Variants in RFX1 observed in about 807,000 individuals in gnomAD.
RFX1 encodes MHC class II regulatory factor RFX1.
Under a neutral mutation model 119.6 loss-of-function variants are expected in RFX1, and 42 were observed. The ratio of observed to expected loss-of-function variants is 0.35; its 90% CI spans 0.27 to 0.45. RFX1 has a LOEUF of 0.45. Ranked by LOEUF, RFX1 falls within the 20% of genes least tolerant of loss-of-function variation. The pLI is 1.00. For missense variants in RFX1, 1,118 were observed against 1,368.1 expected (o/e 0.82, Z 2.88); for synonymous variants, 628 against 618.5 (o/e 1.02, Z -0.23).
chr19:13,971,227 G>T (rs373879997), intron 9 of RFX1, among the ~76,000 whole-genome samples: 1 of 151,790 alleles, frequency 6.6e-6, no homozygotes, highest in Non-Finnish European at 1.5e-5. Flanking sequence ...CCAGCTACTC[G>T]AGAGGCTGAG....
intron 16 of RFX1, among the ~76,000 whole-genome samples, chr19:13,964,585 G>C (rs1391199324): frequency 6.6e-6 from 1 of 152,130 alleles, no homozygotes; most frequent in African/African-American, 2.4e-5. Flanking sequence ...GGGTTCAAGC[G>C]ATTCTCGTGC....
chr19:13,975,455 C>T (rs1330666723), intron 8 of RFX1, among the ~76,000 whole-genome samples: 1 of 151,758 alleles, frequency 6.6e-6, no homozygotes, highest in Non-Finnish European at 1.5e-5. Context: ...GGGAGGGAGC[C>T]GCACAGGCCC....
chr19:13,966,660 G>A lies in RFX1; in HGVS notation c.1824C>T (p.Phe608=). ...EGVGPGDIKA[F]QVLYREHCEA... Reference sequence around the variant, plus strand: ...CACAGTGTTCCCGGTACAGGACCTGGAAGGCTTTGATGTCCCCGGGCCCGA... The same window carrying A: ...CACAGTGTTCCCGGTACAGGACCTGAAAGGCTTTGATGTCCCCGGGCCCGA... The change falls in exon 13 of 21, where the codon TTC becomes TTT. Residue 608 remains phenylalanine, a synonymous_variant. Coordinates refer to ENST00000254325, the MANE Select transcript of RFX1 (RefSeq NM_002918.5). The surrounding 1 kb of genome is among the most constrained non-coding windows in gnomAD (Gnocchi z 6.3). 1 of 1,609,260 alleles carries A rather than the reference G, an allele frequency of 6.2e-7. No homozygotes were observed. Among genetic ancestry groups the A allele is most frequent in the Non-Finnish European group, 8.5e-7 (1 of 1,177,686 alleles).
At position 13,968,535 on chromosome 19, in the gene RFX1, T is replaced by G; in HGVS notation, c.1732+30A>C. On this transcript the variant is annotated intron_variant, in intron 12 of 20. Coordinates refer to ENST00000254325, the MANE Select transcript of RFX1 (RefSeq NM_002918.5). This position sits in a 1 kb window ranked among gnomAD's most constrained non-coding sequence, Gnocchi z 5.5. Reference sequence around the variant, plus strand: ...TCTGCACGGGGCAGGGAGGCGGTGGTTGGGGAAGCACGGGCCAGGGAGCTC... The same window carrying G: ...TCTGCACGGGGCAGGGAGGCGGTGGGTGGGGAAGCACGGGCCAGGGAGCTC... 1.3e-6 allele frequency: 2 copies of G among 1,554,288 alleles called. No homozygotes were observed. The highest frequency in any genetic ancestry group is 1.4e-5 in the African/African-American group (1 of 73,832).
intron 7 of RFX1, among the ~76,000 whole-genome samples, chr19:13,978,935 C>A (rs1322955719): frequency 6.6e-6 from 1 of 151,824 alleles, no homozygotes; most frequent in Non-Finnish European, 1.5e-5. Context: ...GCGCCCGGCT[C>A]GTAATGGGGC....
intron 2 of RFX1, among the ~76,000 whole-genome samples, chr19:13,989,549 GAGAGAC>G (rs370858907): frequency 0.022 from 3,334 of 151,238 alleles, 119 homozygotes; most frequent in African/African-American, 0.076. Context: ...GAGAGAGAGA[GAGAGAC>G]AGACAGACAG....
At chr19:13,995,090 C>T (rs1055456815) in intron 1 of RFX1, among the ~76,000 whole-genome samples, 2 of 151,280 alleles carry the variant, frequency 1.3e-5, no homozygotes, top group Admixed American at 6.6e-5. Flanking sequence ...TTAAACTTTC[C>T]AACAACCATG....
At chr19:13,981,308 C>CA (rs1974424120) in intron 5 of RFX1, among the ~76,000 whole-genome samples, 1 of 152,140 alleles carries the variant, frequency 6.6e-6, no homozygotes, top group South Asian at 2.1e-4. Flanking sequence ...TCAGAAGGCT[C>CA]AAAGGGGCCG....
At chr19:14,004,470 T>C (rs1379925220) in intron 1 of RFX1, among the ~76,000 whole-genome samples, 1 of 152,008 alleles carries the variant, frequency 6.6e-6, no homozygotes, top group African/African-American at 2.4e-5. Flanking sequence ...ATCAAGCCAC[T>C]GCACTCCAGC....
In RFX1 at chr19:13,966,678, G is replaced by C. The variant is rs201531787; in HGVS notation, c.1806C>G (p.Pro602=). The C allele has an allele frequency of 1.6e-5, 25 of 1,611,304 alleles. No individual in the cohort carries two copies. The East Asian group carries it at 5.1e-4, about 33-fold the overall frequency. Residue 602 remains proline (P), a synonymous_variant, in exon 13 of 21, where the codon CCC becomes CCG. Transcript: ENST00000254325. The surrounding 1 kb of genome is among the most constrained non-coding windows in gnomAD (Gnocchi z 6.3). ...QGKVLPEGVG[P]GDIKAFQVLY... is the part of the protein sequence containing the mutation. The stretch of plus-strand genomic sequence containing the variant: ...GGACCTGGAAGGCTTTGATGTCCCC[G>C]GGCCCGACGCCCTCAGGCAGCACCT...
At chr19:13,967,515 C>T (rs569358433) in intron 12 of RFX1, among the ~76,000 whole-genome samples, 10 of 150,506 alleles carry the variant, frequency 6.6e-5, no homozygotes, top group South Asian at 2.1e-4. Context: ...CTCACTGTGT[C>T]GCCCAGGCTG....
At chr19:14,002,656 C>T (rs1485586277) in intron 1 of RFX1, among the ~76,000 whole-genome samples, 1 of 152,016 alleles carries the variant, frequency 6.6e-6, no homozygotes, top group Non-Finnish European at 1.5e-5. Context: ...GAGAAAGTTA[C>T]TTCCTGCCAC....
chr19:13,979,335 G>A (rs1223579288), intron 7 of RFX1, 112 bp downstream of exon 7: 1 of 665,122 alleles, frequency 1.5e-6, no homozygotes, highest in Non-Finnish European at 2.5e-6. Context: ...GTAGGGCAGT[G>A]TCTGCAGCTC....
At position 13,966,369 on chromosome 19, in the gene RFX1, G is replaced by T. The variant is rs900329774; in HGVS notation, c.1961+52C>A. 1.7e-6 allele frequency: 2 copies of T among 1,205,016 alleles called. No homozygotes were observed. Among genetic ancestry groups the T allele is most frequent in the East Asian group, 2.3e-5 (1 of 42,658 alleles). 74.6% of individuals were successfully genotyped at this position (1,205,016 alleles called of 1,614,324 possible). On this transcript the variant is annotated intron_variant, in intron 14 of 20. Coordinates refer to ENST00000254325, the MANE Select transcript of RFX1 (RefSeq NM_002918.5). The surrounding 1 kb of genome is among the most constrained non-coding windows in gnomAD (Gnocchi z 6.3). ...ACCCTGGCCATCAAAATCACCTGCG[G>T]GTCATGCCCTCCTCCCCCCTCTCCC...
rs1470883220 is a variant in RFX1, at chr19:13,986,907, C to T, written c.320-3312G>A. 1.3e-5 allele frequency among the ~76,000 whole-genome samples: 2 copies of T among 152,150 alleles called. No homozygotes were observed. The highest frequency in any genetic ancestry group is 6.5e-5 in the Admixed American group (1 of 15,282). ...CATAGACAGATGGGGCCACCTGACC[C>T]TCTGCCTCCTGCCCCTGGGCTCCCT... On this transcript the variant is annotated intron_variant, in intron 2 of 20. Transcript: ENST00000254325. The surrounding 1 kb of genome is among the most constrained non-coding windows in gnomAD (Gnocchi z 4.2).
Position 13,979,552 on chromosome 19 carries a change from GA to G in RFX1, c.739-11del. ...CCTGGACCACAGATCTCTGGGAGGGGAAAGGCAACAATAAGATGACCATGGC... is the reference window on the plus strand; with the variant it reads ...CCTGGACCACAGATCTCTGGGAGGGGAAGGCAACAATAAGATGACCATGGC... On this transcript the variant is annotated splice_polypyrimidine_tract_variant and intron_variant, in intron 6 of 20. Coordinates refer to ENST00000254325, the MANE Select transcript of RFX1 (RefSeq NM_002918.5). 1.3e-6 allele frequency: 2 copies of G among 1,575,652 alleles called. No individual in the cohort carries two copies. The highest frequency in any genetic ancestry group is 2.3e-5 in the East Asian group (1 of 43,012).
At position 13,986,811 on chromosome 19, in the gene RFX1, T is replaced by C. The variant is rs187154265; in HGVS notation, c.320-3216A>G. 1.4e-3 allele frequency among the ~76,000 whole-genome samples: 220 copies of C among 152,166 alleles called. 1 individual carries two copies. The highest frequency in any genetic ancestry group is 4.9e-3 in the African/African-American group (205 of 41,532). On this transcript the variant is annotated intron_variant, in intron 2 of 20. Transcript: ENST00000254325. This position sits in a 1 kb window ranked among gnomAD's most constrained non-coding sequence, Gnocchi z 4.2. Reference sequence around the variant, plus strand: ...CCTACTCAAACCTTAAATGAGCTACTTGGGGGAGCCCAGGGGAGGCCCTAG... The same window carrying C: ...CCTACTCAAACCTTAAATGAGCTACCTGGGGGAGCCCAGGGGAGGCCCTAG...
Position 13,981,988 on chromosome 19 carries a change from A to G in RFX1, c.621+133T>C, listed in dbSNP as rs192869527. ...AACAAGGGCGTTGCACTGGGAGTGA[A>G]GAGGGAAGCAGGACTTTGGAGGAGC... On this transcript the variant is annotated intron_variant, in intron 5 of 20. Transcript: ENST00000254325. 7.3e-4 allele frequency: 289 copies of G among 393,734 alleles called. 1 individual carries two copies. Among genetic ancestry groups the G allele is most frequent in the African/African-American group, 5.0e-3 (241 of 48,274 alleles). 24.4% of individuals were successfully genotyped at this position (393,734 alleles called of 1,614,324 possible).
At chr19:13,972,329 G>A (rs1396778052) in intron 9 of RFX1, among the ~76,000 whole-genome samples, 1 of 151,976 alleles carries the variant, frequency 6.6e-6, no homozygotes, top group Non-Finnish European at 1.5e-5. Context: ...GAGTAGCTGG[G>A]ATTACAGGTG....
Sources: gnomAD v4.1 joint callset for allele counts (sites outside exome capture counted in the v4.1 genomes callset) on GRCh38, gnomAD v4.1.1 for gene constraint, Gnocchi (gnomAD v3.1) non-coding constraint, MANE v1.5 for transcripts, NCBI Gene and HGNC (gene_info 2026-07-23, HGNC 2026-07-21) for gene names.